SKOR2: variants seen among roughly 807,000 people sequenced by gnomAD.
The protein encoded by SKOR2 is LBX1 corepressor 1-like protein.
SKOR2 carries 47 observed loss-of-function variants against 69.1 expected under a neutral mutation model. The observed-to-expected ratio is 0.68, with a 90% CI of 0.54 to 0.87. SKOR2 has a LOEUF of 0.87. Ranked by LOEUF, SKOR2 falls within the 40% of genes least tolerant of loss-of-function variation. The pLI is 0.00. For missense variants in SKOR2, 1,404 were observed against 1,472.2 expected (o/e 0.95, Z 0.76); for synonymous variants, 717 against 672.6 (o/e 1.07, Z -1.02).
chr18:47,213,844 C>T (rs1347052524), intron 7 of SKOR2, among the ~76,000 whole-genome samples: 1 of 152,150 alleles, frequency 6.6e-6, no homozygotes, highest in Non-Finnish European at 1.5e-5. Flanking sequence ...CTTCTTTTCA[C>T]TCTAGGTTAT....
Position 47,249,040 on chromosome 18 carries a change from G to A in SKOR2, c.144C>T (p.Gly48=). ...PNQVGQVILY[G]IPIVSLVIDG... ...CGATCACCAACGACACGATGGGAAT[G>A]CCGTAGAGGATCACCTGGCCCACCT... is the stretch of plus-strand genomic sequence containing the variant. The change falls in exon 2 of 9, where the codon GGC becomes GGT. Residue 48 remains glycine, a synonymous_variant. Transcript: ENST00000425639. 6.5e-7 allele frequency: 1 copy of A among 1,539,226 alleles called. No individual in the cohort carries two copies. Among genetic ancestry groups the A allele is most frequent in the Non-Finnish European group, 8.7e-7 (1 of 1,148,254 alleles).
At chr18:47,249,587 T>C (rs1249089447) in intron 1 of SKOR2, among the ~76,000 whole-genome samples, 8 of 152,238 alleles carry the variant, frequency 5.3e-5, no homozygotes, top group African/African-American at 1.9e-4. Flanking sequence ...TTGTAACTAG[T>C]ACAGATAATA....
intron 6 of SKOR2, among the ~76,000 whole-genome samples, chr18:47,228,458 A>G (rs1338115463): frequency 6.6e-6 from 1 of 152,240 alleles, no homozygotes; most frequent in Non-Finnish European, 1.5e-5. Context: ...CAGAGCAGTT[A>G]CTATGAAAAA....
intron 2 of SKOR2, 85 bp downstream of exon 2, chr18:47,246,486 T>G: frequency 7.2e-7 from 1 of 1,386,254 alleles, no homozygotes; most frequent in Non-Finnish European, 9.3e-7. Flanking sequence ...TGATTCATCT[T>G]TCCTGCGCAT....
At chr18:47,250,668 C>T (rs1308791096) in intron 1 of SKOR2, among the ~76,000 whole-genome samples, 1 of 152,212 alleles carries the variant, frequency 6.6e-6, no homozygotes, top group East Asian at 1.9e-4. Context: ...CTCTGTCCTG[C>T]TGCCCCCTGG....
intron 6 of SKOR2, among the ~76,000 whole-genome samples, chr18:47,221,418 G>C (rs1008106114): frequency 1.3e-5 from 2 of 152,172 alleles, no homozygotes; most frequent in African/African-American, 4.8e-5. Context: ...AGACATGGAA[G>C]GAGGAGAGGG....
intron 4 of SKOR2, among the ~76,000 whole-genome samples, chr18:47,235,002 T>C (rs1743071779): frequency 6.6e-6 from 1 of 151,860 alleles, no homozygotes. Flanking sequence ...AGAAAAAAAC[T>C]GGTTTGAAGT....
rs1026163589 is a variant in SKOR2 at position 47,248,393 on chromosome 18, A to G, written c.791T>C (p.Val264Ala). 369 of 1,126,806 alleles carry G rather than the reference A, an allele frequency of 3.3e-4. No individual in the cohort carries two copies. The highest frequency in any genetic ancestry group is 4.0e-4 in the Non-Finnish European group (365 of 911,906). 69.8% of individuals were successfully genotyped at this position (1,126,806 alleles called of 1,614,324 possible). The part of the protein sequence containing the change: ...HPLSSVKAAA[V>A]AAAAAVAGGG... ...TCCGGCCACCGCGGCCGCGGCGGCCACGGCGGCCGCCTTCACAGAGCTGAG... is the reference window on the plus strand; with the variant it reads ...TCCGGCCACCGCGGCCGCGGCGGCCGCGGCGGCCGCCTTCACAGAGCTGAG... Residue 264 changes from valine (V) to alanine (A), a missense_variant, in exon 2 of 9, where the codon GTG (valine) becomes GCG (alanine). Around this residue, in one of 3 missense-constraint regions of SKOR2, gnomAD observed 1,266 missense variants for 1,309.9 expected, o/e 0.97. Coordinates refer to ENST00000425639, the MANE Select transcript of SKOR2 (RefSeq NM_001278063.4). The surrounding 1 kb of genome is among the most constrained non-coding windows in gnomAD (Gnocchi z 6.4).
intron 4 of SKOR2, among the ~76,000 whole-genome samples, chr18:47,235,682 T>C (rs1008018640): frequency 6.8e-5 from 10 of 146,940 alleles, no homozygotes; most frequent in African/African-American, 1.0e-4. Flanking sequence ...AAACTGGAAG[T>C]ATGAGAAAGA....
intron 4 of SKOR2, among the ~76,000 whole-genome samples, chr18:47,232,818 T>C (rs1468019909): frequency 6.6e-6 from 1 of 152,248 alleles, no homozygotes; most frequent in East Asian, 1.9e-4. Flanking sequence ...CTCCTTACTA[T>C]TTATTTCCCT....
At chr18:47,210,161 A>G (rs892363121) in intron 8 of SKOR2, among the ~76,000 whole-genome samples, 2 of 152,182 alleles carry the variant, frequency 1.3e-5, no homozygotes, top group Non-Finnish European at 2.9e-5. Context: ...AGAATGTTCT[A>G]TGCAACGTCA....
chr18:47,215,353 T>G (rs895303020), intron 7 of SKOR2, among the ~76,000 whole-genome samples: 1 of 152,162 alleles, frequency 6.6e-6, no homozygotes, highest in Non-Finnish European at 1.5e-5. Flanking sequence ...GTAATGGTCC[T>G]ATCTACCTTT....
chr18:47,211,295 C>A (rs956621759), intron 8 of SKOR2, among the ~76,000 whole-genome samples: 1 of 152,138 alleles, frequency 6.6e-6, no homozygotes, highest in African/African-American at 2.4e-5. Flanking sequence ...ACAAATGCTA[C>A]CTTTTGCGTC....
At chr18:47,249,727 G>T (rs1263212716) in intron 1 of SKOR2, among the ~76,000 whole-genome samples, 1 of 152,152 alleles carries the variant, frequency 6.6e-6, no homozygotes, top group African/African-American at 2.4e-5. Context: ...TGATTTTCTT[G>T]GTGTCTATGG....
chr18:47,220,914 G>A (rs1424641511), intron 6 of SKOR2, among the ~76,000 whole-genome samples: 1 of 152,050 alleles, frequency 6.6e-6, no homozygotes, highest in African/African-American at 2.4e-5. Flanking sequence ...ACAGCCAACT[G>A]GTGTGTGAGT....
chr18:47,248,417 A>G lies in SKOR2; in HGVS notation c.767T>C (p.Leu256Pro). Residue 256 changes from leucine to proline, a missense_variant, in exon 2 of 9, where the codon CTC becomes CCC. This residue lies in a region of SKOR2 where 1,266 missense variants were observed against 1,309.9 expected (regional missense o/e 0.97). Coordinates refer to ENST00000425639, the MANE Select transcript of SKOR2 (RefSeq NM_001278063.4). The surrounding 1 kb of genome is among the most constrained non-coding windows in gnomAD (Gnocchi z 6.4). ...QPGAHPACHPLSSVKAAAVAA... is the reference protein window; with the variant it reads ...QPGAHPACHPPSSVKAAAVAA... ...CACGGCGGCCGCCTTCACAGAGCTG[A>G]GCGGGTGGCAGGCGGGGTGCGCGCC... The G allele has an allele frequency of 2.1e-6, 3 of 1,432,570 alleles. No individual in the cohort carries two copies. Among genetic ancestry groups the G allele is most frequent in the East Asian group, 3.0e-5 (1 of 32,868 alleles). 88.7% of individuals were successfully genotyped at this position (1,432,570 alleles called of 1,614,324 possible). A position where few individuals can be genotyped will look rare whatever the true frequency, so the allele number is the denominator to read the frequency against.
chr18:47,235,222 G>A (rs1426671307), intron 4 of SKOR2, among the ~76,000 whole-genome samples: 2 of 152,138 alleles, frequency 1.3e-5, no homozygotes, highest in African/African-American at 4.8e-5. Context: ...TTAGCTGGGA[G>A]TGGTGGTGCA....
At chr18:47,216,721 G>A (rs1034741470) in intron 7 of SKOR2, among the ~76,000 whole-genome samples, 1 of 151,956 alleles carries the variant, frequency 6.6e-6, no homozygotes, top group Non-Finnish European at 1.5e-5. Context: ...TGGGTCTTTG[G>A]GAATCATTAC....
At chr18:47,213,239 T>A (rs1343265318) in intron 7 of SKOR2, among the ~76,000 whole-genome samples, 1 of 151,918 alleles carries the variant, frequency 6.6e-6, no homozygotes, top group Non-Finnish European at 1.5e-5. Flanking sequence ...CTCAGGGCTC[T>A]AAAGACTTTA....
Sources: gnomAD v4.1 joint callset for allele counts (sites outside exome capture counted in the v4.1 genomes callset) on GRCh38, gnomAD v4.1.1 for gene constraint, gnomAD v4.1.1 regional missense constraint, Gnocchi (gnomAD v3.1) non-coding constraint, MANE v1.5 for transcripts, NCBI Gene and HGNC (gene_info 2026-07-23, HGNC 2026-07-21) for gene names.